The following PKIG variants were observed in gnomAD, a reference collection of about 807,000 sequenced individuals.
PKIG encodes protein kinase (cAMP-dependent, catalytic) inhibitor gamma.
Under a neutral mutation model 6.8 loss-of-function variants are expected in PKIG, and 1 was observed. The observed-to-expected ratio is 0.15, with a 90% CI of 0.05 to 0.69. PKIG has a LOEUF of 0.69. PKIG is among the 30% of genes least tolerant of loss of function. The pLI is 0.82. For missense variants in PKIG, 77 were observed against 104.0 expected (o/e 0.74, Z 1.13); for synonymous variants, 39 against 43.0 (o/e 0.91, Z 0.36).
intron 1 of PKIG, among the ~76,000 whole-genome samples, chr20:44,585,674 G>A (rs1001546541): frequency 1.3e-5 from 2 of 152,234 alleles, no homozygotes; most frequent in Admixed American, 1.3e-4. Context: ...TCTGTTAAAT[G>A]ATGACAAGTG....
chr20:44,606,384 A>C (rs971433290), intron 2 of PKIG, among the ~76,000 whole-genome samples: 1 of 152,204 alleles, frequency 6.6e-6, no homozygotes, highest in African/African-American at 2.4e-5. Context: ...TGATATACCT[A>C]CTGGGGATTG....
intron 1 of PKIG, among the ~76,000 whole-genome samples, chr20:44,564,898 G>T (rs1481859786): frequency 6.6e-6 from 1 of 152,224 alleles, no homozygotes; most frequent in African/African-American, 2.4e-5. Flanking sequence ...TTCCAGACAT[G>T]TATAAACCTC....
chr20:44,567,759 C>G (rs1202407255), intron 1 of PKIG, among the ~76,000 whole-genome samples: 1 of 152,258 alleles, frequency 6.6e-6, no homozygotes, highest in African/African-American at 2.4e-5. Context: ...GAGCAGGGCC[C>G]TAGAGACTGA....
chr20:44,575,276 T>C (rs763254760), intron 1 of PKIG, among the ~76,000 whole-genome samples: 9 of 152,148 alleles, frequency 5.9e-5, no homozygotes, highest in Non-Finnish European at 4.4e-5. Context: ...TGGAGTGCAA[T>C]GGCATGATCT....
chr20:44,533,176 G>C (rs181949732), intron 1 of PKIG, among the ~76,000 whole-genome samples: 1 of 152,088 alleles, frequency 6.6e-6, no homozygotes, highest in African/African-American at 2.4e-5. Flanking sequence ...ATATATATGT[G>C]TGTGTGTGAC....
chr20:44,541,745 G>A (rs1287107419), intron 1 of PKIG, among the ~76,000 whole-genome samples: 1 of 149,300 alleles, frequency 6.7e-6, no homozygotes, highest in East Asian at 2.0e-4. Context: ...TCAGGCTGGA[G>A]TGCAATGGAT....
intron 1 of PKIG, among the ~76,000 whole-genome samples, chr20:44,571,781 G>A (rs960119897): frequency 6.6e-6 from 1 of 152,216 alleles, no homozygotes; most frequent in Non-Finnish European, 1.5e-5. Context: ...CTGCACATAT[G>A]TTTGTTACAG....
rs1485459808 is a variant in PKIG at position 44,618,613 on chromosome 20, A to C, written c.*249A>C. 2.3e-6 allele frequency: 1 copy of C among 428,006 alleles called. No individual in the cohort carries two copies. Among genetic ancestry groups the C allele is most frequent in the African/African-American group, 2.0e-5 (1 of 49,470 alleles). The allele number at this position is 428,006 out of a possible 1,614,324, so 26.5% of individuals were successfully genotyped here. On this transcript the variant is annotated 3_prime_UTR_variant, in exon 4 of 4. Coordinates refer to ENST00000372886, the MANE Select transcript of PKIG (RefSeq NM_001281445.2). ...ACACTTTCAAGACACTGTAACCACA[A>C]GATGTTATTTATTGAGCTGGCGCCG... is the stretch of plus-strand genomic sequence containing the variant.
At chr20:44,581,674 C>T (rs928382257), upstream of PKIG, among the ~76,000 whole-genome samples, 4 of 152,130 alleles carry the variant, frequency 2.6e-5, no homozygotes, top group Non-Finnish European at 5.9e-5. Flanking sequence ...TTTTCATGTC[C>T]CTAAGGACTT....
intron 1 of PKIG, among the ~76,000 whole-genome samples, chr20:44,571,304 T>G (rs2064852279): frequency 6.6e-6 from 1 of 152,090 alleles, no homozygotes; most frequent in Non-Finnish European, 1.5e-5. Context: ...TGTATAGACA[T>G]GCCTCTTTTT....
Position 44,598,168 on chromosome 20 carries a change from G to A in PKIG, c.-24+8302G>A, listed in dbSNP as rs571464531. On this transcript the variant is annotated intron_variant, in intron 2 of 3. Transcript: ENST00000372886. Reference sequence around the variant, plus strand: ...ACCTCTCCCCTGTGGTTACTTCATAGGGCCTGTTTGGGCTTCCTCACAGCA... The same window carrying A: ...ACCTCTCCCCTGTGGTTACTTCATAAGGCCTGTTTGGGCTTCCTCACAGCA... Among the ~76,000 whole-genome samples the A allele has an allele frequency of 2.0e-5, 3 of 152,264 alleles. No individual in the cohort carries two copies. In the South Asian group the frequency reaches 6.2e-4, roughly 32 times the overall value.
intron 2 of PKIG, among the ~76,000 whole-genome samples, chr20:44,600,344 G>A (rs112679507): frequency 6.6e-6 from 1 of 152,306 alleles, no homozygotes; most frequent in African/African-American, 2.4e-5. Context: ...GAAGTTGAAC[G>A]AAGCAGGGAA....
At chr20:44,576,590 C>G (rs928250232) in intron 1 of PKIG, among the ~76,000 whole-genome samples, 1 of 152,184 alleles carries the variant, frequency 6.6e-6, no homozygotes, top group Non-Finnish European at 1.5e-5. Flanking sequence ...CAAACCTTCT[C>G]CTGTTGGAGC....
Position 44,614,408 on chromosome 20 carries a change from CT to C in PKIG, c.-23-123del. ...TCTTTGTACTTTTCTGTGCTTTTTG[CT>C]TTGTTTTCAATAAGAGGCAATAACT... On this transcript the variant is annotated intron_variant, in intron 2 of 3. Transcript: ENST00000372886. The surrounding 1 kb of genome is among the most constrained non-coding windows in gnomAD (Gnocchi z 4.6). 3.0e-6 allele frequency: 2 copies of C among 674,922 alleles called. No homozygotes were observed. Among genetic ancestry groups the C allele is most frequent in the Admixed American group, 2.6e-5 (1 of 37,940 alleles). The allele number at this position is 674,922 out of a possible 1,614,324, so 41.8% of individuals were successfully genotyped here. A position where few individuals can be genotyped will look rare whatever the true frequency, so the allele number is the denominator to read the frequency against.
chr20:44,543,389 A>T (rs549694415), intron 1 of PKIG, among the ~76,000 whole-genome samples: 2 of 152,054 alleles, frequency 1.3e-5, no homozygotes, highest in Non-Finnish European at 2.9e-5. Flanking sequence ...CTTACTCTAT[A>T]GTAAGTTCTT....
chr20:44,564,594 A>T (rs1814607637), intron 1 of PKIG, among the ~76,000 whole-genome samples: 1 of 151,512 alleles, frequency 6.6e-6, no homozygotes, highest in South Asian at 2.1e-4. Context: ...TTTTTTAGAG[A>T]TGGGGTCTTG....
chr20:44,532,603 G>C (rs1361337866), intron 1 of PKIG, among the ~76,000 whole-genome samples: 1 of 152,316 alleles, frequency 6.6e-6, no homozygotes, highest in South Asian at 2.1e-4. Context: ...TCGTAAACAA[G>C]AATTCACAGT....
intron 1 of PKIG, among the ~76,000 whole-genome samples, chr20:44,587,840 G>C (rs244106): frequency 0.23 from 34,400 of 152,062 alleles, 5,013 homozygotes; most frequent in African/African-American, 0.42. Flanking sequence ...TGCTTGTGTT[G>C]TGGGCTCCAA....
intron 2 of PKIG, among the ~76,000 whole-genome samples, chr20:44,607,289 C>T (rs118001674): frequency 0.034 from 5,065 of 149,890 alleles, 119 homozygotes; most frequent in Non-Finnish European, 0.05. Flanking sequence ...GCAGTGGCTT[C>T]AGAGTGATCT....
Sources: gnomAD v4.1 joint callset for allele counts (sites outside exome capture counted in the v4.1 genomes callset) on GRCh38, gnomAD v4.1.1 for gene constraint, Gnocchi (gnomAD v3.1) non-coding constraint, MANE v1.5 for transcripts, NCBI Gene and HGNC (gene_info 2026-07-23, HGNC 2026-07-21) for gene names.